The following TMEM114 variants were observed in gnomAD, a reference collection of about 807,000 sequenced individuals.
TMEM114 encodes claudin-26.
A neutral mutation model predicts 6.2 loss-of-function variants in TMEM114; 6 were observed. The ratio of observed to expected loss-of-function variants is 0.97; its 90% CI spans 0.53 to 1.91. TMEM114 has a LOEUF of 1.91. TMEM114 is among the 40% of genes most tolerant of loss of function. The pLI, the probability that TMEM114 is intolerant of heterozygous loss-of-function variation, is 0.01. For missense variants in TMEM114, 218 were observed against 158.3 expected (o/e 1.38, Z -2.02); for synonymous variants, 104 against 73.0 (o/e 1.42, Z -2.16).
At chr16:8,558,188 T>C (rs1181580838) in intron 2 of TMEM114, among the ~76,000 whole-genome samples, 1 of 152,086 alleles carries the variant, frequency 6.6e-6, no homozygotes, top group African/African-American at 2.4e-5. Context: ...GAGAAGCAGA[T>C]GTTGCAGTGA....
chr16:8,570,193 C>T (rs1034351137), intron 3 of TMEM114, among the ~76,000 whole-genome samples, 188 bp from the exon 4 acceptor site: 2 of 152,238 alleles, frequency 1.3e-5, no homozygotes, highest in African/African-American at 4.8e-5. Flanking sequence ...CTGTCATCGG[C>T]AACTCCTACC....
intron 2 of TMEM114, among the ~76,000 whole-genome samples, chr16:8,582,126 G>A (rs893569843): frequency 2.0e-5 from 3 of 152,076 alleles, no homozygotes; most frequent in East Asian, 1.9e-4. Context: ...TTCCAACCTC[G>A]CCTCCTCAGA....
At chr16:8,551,008 C>T (rs7190362) in intron 2 of TMEM114, among the ~76,000 whole-genome samples, 93 of 151,964 alleles carry the variant, frequency 6.1e-4, no homozygotes, top group Non-Finnish European at 1.0e-3. Flanking sequence ...TAACCCTAAA[C>T]GAGTTCAAAG....
chr16:8,558,891 C>T (rs1013806450), intron 2 of TMEM114, among the ~76,000 whole-genome samples: 11 of 148,084 alleles, frequency 7.4e-5, no homozygotes, highest in African/African-American at 2.8e-4. Context: ...CAGGCACGTG[C>T]CACCATGCCC....
chr16:8,568,731 T>A (rs966751235), downstream of TMEM114, among the ~76,000 whole-genome samples: 1 of 152,210 alleles, frequency 6.6e-6, no homozygotes, highest in Non-Finnish European at 1.5e-5. Flanking sequence ...ACTTGGAATC[T>A]TGCAGGAACA....
chr16:8,575,516 G>T (rs938471098), intron 2 of TMEM114, among the ~76,000 whole-genome samples: 10 of 152,156 alleles, frequency 6.6e-5, no homozygotes, highest in African/African-American at 2.2e-4. Flanking sequence ...CAGGACAACT[G>T]GTCACCACAC....
At chr16:8,539,865 T>C (rs1900468255) in intron 2 of TMEM114, among the ~76,000 whole-genome samples, 2 of 152,196 alleles carry the variant, frequency 1.3e-5, no homozygotes, top group Admixed American at 1.3e-4. Context: ...CCACCCAGGC[T>C]GGAATGCAGT....
intron 2 of TMEM114, among the ~76,000 whole-genome samples, chr16:8,556,163 T>A (rs1467687859): frequency 5.9e-5 from 9 of 152,192 alleles, no homozygotes; most frequent in Admixed American, 5.2e-4. Context: ...AAATGCCAAG[T>A]CTGAATTCTT....
downstream of TMEM114, among the ~76,000 whole-genome samples, chr16:8,567,890 T>C: frequency 1.3e-5 from 2 of 152,288 alleles, no homozygotes; most frequent in Non-Finnish European, 2.9e-5. Flanking sequence ...TCCCCAGCAT[T>C]GTAACTGATT....
At chr16:8,578,152 G>A (rs1447051349) in intron 2 of TMEM114, among the ~76,000 whole-genome samples, 1 of 152,124 alleles carries the variant, frequency 6.6e-6, no homozygotes, top group Non-Finnish European at 1.5e-5. Context: ...GGGGGGCCTT[G>A]TTCTTAGATC....
Position 8,569,767 on chromosome 16 carries a change from C to A in TMEM114, c.*6G>T. On this transcript the variant is annotated 3_prime_UTR_variant, in exon 4 of 4. Transcript: ENST00000620492. ...CTCCCTCCCCTCCACGACCCAGCGC[C>A]CAGGCTCATATGGCCTGGTCCTGCC... is the stretch of plus-strand genomic sequence containing the variant. 3 of 1,547,748 alleles carry A rather than the reference C, an allele frequency of 1.9e-6. No individual in the cohort carries two copies. The highest frequency in any genetic ancestry group is 2.6e-6 in the Non-Finnish European group (3 of 1,144,930).
intron 2 of TMEM114, among the ~76,000 whole-genome samples, chr16:8,550,634 C>A (rs1416442396): frequency 5.3e-5 from 8 of 150,514 alleles, no homozygotes; most frequent in African/African-American, 2.0e-4. Flanking sequence ...GCTGAGATCG[C>A]ACCATTGCTC....
intron 2 of TMEM114, among the ~76,000 whole-genome samples, chr16:8,586,264 T>C (rs990211956): frequency 6.6e-6 from 1 of 152,330 alleles, no homozygotes; most frequent in African/African-American, 2.4e-5. Context: ...CTGACAAGTC[T>C]GGTCATTCCT....
At chr16:8,539,547 A>G (rs1184476883) in intron 2 of TMEM114, among the ~76,000 whole-genome samples, 1 of 151,936 alleles carries the variant, frequency 6.6e-6, no homozygotes, top group Non-Finnish European at 1.5e-5. Context: ...CCCACGCTCC[A>G]ATTCCCTTAT....
intron 2 of TMEM114, among the ~76,000 whole-genome samples, chr16:8,564,442 G>C (rs988387606): frequency 2.8e-5 from 4 of 142,004 alleles, no homozygotes; most frequent in African/African-American, 1.1e-4. Flanking sequence ...AGGGAGGGAG[G>C]GAATGAGTGA....
the TMEM114 span, among the ~76,000 whole-genome samples, chr16:8,527,327 G>A: frequency 6.6e-6 from 1 of 152,226 alleles, no homozygotes; most frequent in South Asian, 2.1e-4. Flanking sequence ...GCAGGGGAAA[G>A]TGGAAAAACC....
At position 8,586,201 on chromosome 16, in the gene TMEM114, G is replaced by A. The variant is rs1363502116; in HGVS notation, c.301+3012C>T. On this transcript the variant is annotated intron_variant, in intron 2 of 3. Transcript: ENST00000620492. The stretch of plus-strand genomic sequence containing the variant: ...AAGGAGGGGCAAAGGGAGAGCTCAT[G>A]CTTACTGAGCACTTACCATATGTCT... Among the ~76,000 whole-genome samples the A allele has an allele frequency of 2.6e-5, 4 of 152,326 alleles. No homozygotes were observed. The South Asian group carries it at 8.3e-4, about 32-fold the overall frequency.
chr16:8,531,499 C>G, the TMEM114 span, among the ~76,000 whole-genome samples: 1 of 152,192 alleles, frequency 6.6e-6, no homozygotes, highest in Non-Finnish European at 1.5e-5. Context: ...TGGTTTTCTT[C>G]AAGGAGTGGG....
At chr16:8,553,858 G>A (rs1435345036) in intron 2 of TMEM114, among the ~76,000 whole-genome samples, 1 of 151,456 alleles carries the variant, frequency 6.6e-6, no homozygotes, top group African/African-American at 2.4e-5. Context: ...CACCACTATG[G>A]CTGCTAATTT....
Sources: allele counts gnomAD v4.1 joint callset (sites outside exome capture counted in the v4.1 genomes callset), GRCh38; gene constraint gnomAD v4.1.1; transcripts MANE v1.5; gene names NCBI Gene and HGNC (gene_info 2026-07-23, HGNC 2026-07-21).